Variants in FER1L6 observed in about 807,000 individuals in gnomAD.
The protein encoded by FER1L6 is fer-1-like protein 6.
In FER1L6, 177 loss-of-function variants were observed where a neutral mutation model predicts 219.2. That is an observed-to-expected ratio of 0.81 (90% CI 0.71 to 0.91). The LOEUF is 0.91. Ranked by LOEUF, FER1L6 falls within the 40% of genes least tolerant of loss-of-function variation. The pLI, the probability that FER1L6 is intolerant of heterozygous loss-of-function variation, is 0.00. For missense variants in FER1L6, 2,153 were observed against 2,259.9 expected (o/e 0.95, Z 0.96); for synonymous variants, 768 against 824.3 (o/e 0.93, Z 1.17).
chr8:124,003,303 C>T lies in FER1L6; in HGVS notation c.1656C>T (p.Ala552=), dbSNP rs755047189. ...DVAHDVPIPM[A]STTHPEKPLV... ...CCCATGATGTTCCCATTCCTATGGC[C>T]TCCACCACTCACCCGGAGAAGCCAC... The change falls in exon 13 of 41, where the codon GCC becomes GCT. Residue 552 remains alanine, a synonymous_variant. Coordinates refer to ENST00000522917, the MANE Select transcript of FER1L6 (RefSeq NM_001039112.2). 7.4e-6 allele frequency: 12 copies of T among 1,613,672 alleles called. No homozygotes were observed. The African/African-American group carries it at 1.5e-4, about 20-fold the overall frequency.
intron 1 of FER1L6, among the ~76,000 whole-genome samples, chr8:123,955,031 A>G (rs1446741801): frequency 6.6e-6 from 1 of 152,130 alleles, no homozygotes; most frequent in Non-Finnish European, 1.5e-5. Context: ...CAGCTCAGAA[A>G]GGGGTTCTGT....
chr8:123,946,040 G>A (rs564361294), intron 1 of FER1L6, among the ~76,000 whole-genome samples: 89 of 152,254 alleles, frequency 5.8e-4, no homozygotes, highest in African/African-American at 2.0e-3. Context: ...TGTTATCAGA[G>A]GTCACTGGGC....
At chr8:123,993,301 G>T (rs1420206614) in intron 12 of FER1L6, among the ~76,000 whole-genome samples, 1 of 151,590 alleles carries the variant, frequency 6.6e-6, no homozygotes, top group Admixed American at 6.6e-5. Flanking sequence ...AATTAGCCGG[G>T]CGTAGTGGCG....
chr8:123,900,301 G>A (rs560405701), intron 1 of FER1L6, among the ~76,000 whole-genome samples: 3 of 152,088 alleles, frequency 2.0e-5, no homozygotes, highest in East Asian at 3.9e-4. Flanking sequence ...CTGCTTGGTC[G>A]CTGTTGGTGT....
At chr8:123,873,422 T>C (rs1816956548) in intron 1 of FER1L6, among the ~76,000 whole-genome samples, 1 of 152,234 alleles carries the variant, frequency 6.6e-6, no homozygotes, top group East Asian at 1.9e-4. Context: ...TGTTTCTCCA[T>C]GGAGGAGCCT....
At chr8:124,093,013 G>A (rs1586326909) in intron 34 of FER1L6, among the ~76,000 whole-genome samples, 1 of 151,954 alleles carries the variant, frequency 6.6e-6, no homozygotes, top group South Asian at 2.1e-4. Flanking sequence ...TAGTAGAGTC[G>A]GGGTTTCACC....
At chr8:124,082,020 T>C (rs1319638124) in intron 32 of FER1L6, among the ~76,000 whole-genome samples, 5 of 152,208 alleles carry the variant, frequency 3.3e-5, no homozygotes, top group African/African-American at 1.2e-4. Context: ...GTTTTTCCTC[T>C]CCATCGTGCT....
At chr8:124,014,387 TGA>T (rs1818084069) in intron 15 of FER1L6, 1 of 152,696 alleles carries the variant, frequency 6.5e-6, no homozygotes, top group African/African-American at 2.4e-5. Context: ...GAAGAATAGA[TGA>T]AAAGTCTTTC....
chr8:123,858,731 A>C (rs957991533), intron 1 of FER1L6, among the ~76,000 whole-genome samples: 13 of 152,236 alleles, frequency 8.5e-5, no homozygotes, highest in African/African-American at 2.9e-4. Context: ...GAAGAAGGTG[A>C]GACGGCTTGA....
intron 1 of FER1L6, among the ~76,000 whole-genome samples, chr8:123,907,852 A>T (rs1184687405): frequency 6.6e-6 from 1 of 151,842 alleles, no homozygotes; most frequent in East Asian, 2.0e-4. Flanking sequence ...CCTAACCTGG[A>T]TGTCAGAGGG....
chr8:124,066,070 C>T (rs575025387), intron 26 of FER1L6, among the ~76,000 whole-genome samples: 108 of 152,318 alleles, frequency 7.1e-4, no homozygotes, highest in African/African-American at 2.2e-3. Flanking sequence ...CAGTATGAAG[C>T]TAATGCCTTT....
chr8:124,060,839 G>A lies in FER1L6; in HGVS notation c.3147+130G>A, dbSNP rs1554641184. The A allele has an allele frequency of 8.6e-6, 9 of 1,040,612 alleles. No individual in the cohort carries two copies. In the South Asian group the frequency reaches 1.2e-4, roughly 14 times the overall value. 64.5% of individuals were successfully genotyped at this position (1,040,612 alleles called of 1,614,324 possible). On this transcript the variant is annotated intron_variant, in intron 24 of 40. Coordinates refer to ENST00000522917, the MANE Select transcript of FER1L6 (RefSeq NM_001039112.2). ...GTGAAAAGCCAGAATTTCAGAATGA[G>A]ATAAAATAGACTTTTGTTGTTGTTG... is the stretch of plus-strand genomic sequence containing the variant.
intron 1 of FER1L6, among the ~76,000 whole-genome samples, chr8:123,953,709 T>C (rs993769277): frequency 1.8e-4 from 27 of 152,334 alleles, no homozygotes; most frequent in African/African-American, 6.0e-4. Context: ...TCCCTATTTA[T>C]GGATGGAAGT....
At chr8:124,000,085 G>A (rs1260031435) in intron 12 of FER1L6, among the ~76,000 whole-genome samples, 2 of 152,228 alleles carry the variant, frequency 1.3e-5, no homozygotes, top group Admixed American at 6.5e-5. Flanking sequence ...GCTAAGTCTG[G>A]TCTAGATGCT....
intron 1 of FER1L6, among the ~76,000 whole-genome samples, chr8:123,940,373 C>T (rs955292666): frequency 6.6e-6 from 1 of 151,834 alleles, no homozygotes; most frequent in Non-Finnish European, 1.5e-5. Context: ...TTTGAGACAG[C>T]GTCACCCAGG....
chr8:123,911,889 C>A (rs570088139), intron 1 of FER1L6, among the ~76,000 whole-genome samples: 9 of 152,246 alleles, frequency 5.9e-5, no homozygotes, highest in Admixed American at 2.6e-4. Context: ...AATTACAGGG[C>A]AAATTTACCC....
intron 17 of FER1L6, among the ~76,000 whole-genome samples, chr8:124,022,774 A>G (rs965905725): frequency 2.6e-5 from 4 of 152,002 alleles, no homozygotes; most frequent in African/African-American, 7.3e-5. Context: ...ACAAGATTGG[A>G]AAAAAAATCC....
At chr8:124,056,025 A>T (rs1387062497) in intron 22 of FER1L6, among the ~76,000 whole-genome samples, 1 of 151,464 alleles carries the variant, frequency 6.6e-6, no homozygotes, top group Non-Finnish European at 1.5e-5. Flanking sequence ...TCCTACTCTG[A>T]CTCTCCTGCT....
chr8:123,865,904 C>T (rs1282591951), intron 1 of FER1L6, among the ~76,000 whole-genome samples: 12 of 151,432 alleles, frequency 7.9e-5, no homozygotes, highest in African/African-American at 1.5e-4. Flanking sequence ...GAGATGAACC[C>T]GGTACCTCAG....
Sources: allele counts gnomAD v4.1 joint callset (sites outside exome capture counted in the v4.1 genomes callset), GRCh38; gene constraint gnomAD v4.1.1; transcripts MANE v1.5; gene names NCBI Gene and HGNC (gene_info 2026-07-23, HGNC 2026-07-21).